OPCML: variants seen among roughly 807,000 people sequenced by gnomAD.
OPCML encodes opioid binding protein/cell adhesion molecule like.
Under a neutral mutation model 37.8 loss-of-function variants are expected in OPCML, and 13 were observed. The observed-to-expected ratio is 0.34, with a 90% CI of 0.22 to 0.55. The LOEUF (loss-of-function observed/expected upper bound fraction) is 0.55, where lower values mean the gene tolerates loss of function less well. Ranked by LOEUF, OPCML falls within the 20% of genes least tolerant of loss-of-function variation. OPCML has a pLI of 0.91. For synonymous variants in OPCML, 176 were observed against 168.8 expected, an observed-to-expected ratio of 1.04 and a Z score of -0.33; for missense variants, 341 against 435.6, an observed-to-expected ratio of 0.78 and a Z score of 1.93.
intron 3 of OPCML, among the ~76,000 whole-genome samples, chr11:132,542,772 C>G (rs2096359903): frequency 6.6e-6 from 1 of 152,194 alleles, no homozygotes; most frequent in Non-Finnish European, 1.5e-5. Flanking sequence ...GCCTCACCCT[C>G]AGGCCATCTA....
chr11:133,140,633 G>A (rs1003420904), intron 1 of OPCML, among the ~76,000 whole-genome samples: 4 of 146,498 alleles, frequency 2.7e-5, no homozygotes, highest in Non-Finnish European at 4.5e-5. Flanking sequence ...AGGAAGAGGA[G>A]GAAGAGGAGG....
At chr11:132,443,790 G>A (rs2096044821) in intron 4 of OPCML, among the ~76,000 whole-genome samples, 3 of 152,222 alleles carry the variant, frequency 2.0e-5, no homozygotes, top group Non-Finnish European at 4.4e-5. Context: ...TATGTGCAGG[G>A]AAAGGTACAG....
chr11:132,953,012 A>C (rs1945894974), intron 1 of OPCML, among the ~76,000 whole-genome samples: 1 of 152,188 alleles, frequency 6.6e-6, no homozygotes, highest in African/African-American at 2.4e-5. Flanking sequence ...ACACTGTAAA[A>C]AGTTATCTAT....
chr11:132,667,335 C>T (rs551196182), intron 2 of OPCML, among the ~76,000 whole-genome samples: 63 of 152,232 alleles, frequency 4.1e-4, no homozygotes, highest in African/African-American at 1.3e-3. Flanking sequence ...TCACTAAATC[C>T]GAGTGGGGAC....
In OPCML at chr11:133,431,780, T is replaced by A. The variant is rs1000316610; in HGVS notation, c.61+100484A>T. On this transcript the variant is annotated intron_variant, in intron 1 of 7. Transcript: ENST00000524381. ...GCGCCCCGCCGAATCTCAATTTATT[T>A]TATATATATATATAAAATATTTATA... is the stretch of plus-strand genomic sequence containing the variant. Among the ~76,000 whole-genome samples the A allele has an allele frequency of 9.5e-5, 14 of 147,862 alleles. No individual in the cohort carries two copies. The East Asian group carries it at 1.6e-3, about 16-fold the overall frequency.
At chr11:132,892,056 G>A (rs1435773576) in intron 2 of OPCML, among the ~76,000 whole-genome samples, 1 of 152,130 alleles carries the variant, frequency 6.6e-6, no homozygotes, top group Non-Finnish European at 1.5e-5. Context: ...ATACTAAGTC[G>A]ATGCAAAGCT....
intron 1 of OPCML, among the ~76,000 whole-genome samples, chr11:133,029,735 T>C (rs1388567645): frequency 6.6e-6 from 1 of 151,948 alleles, no homozygotes; most frequent in East Asian, 1.9e-4. Flanking sequence ...GAGGGGCAAG[T>C]GTTGAAATAC....
At chr11:133,496,936 T>C (rs933479069) in intron 1 of OPCML, among the ~76,000 whole-genome samples, 4 of 152,196 alleles carry the variant, frequency 2.6e-5, no homozygotes, top group Non-Finnish European at 4.4e-5. Context: ...TCCAGTACTA[T>C]ATTGAAGAGG....
chr11:132,777,314 C>A (rs1247178991), intron 2 of OPCML, among the ~76,000 whole-genome samples: 1 of 152,184 alleles, frequency 6.6e-6, no homozygotes, highest in Non-Finnish European at 1.5e-5. Flanking sequence ...TGTTAGGACA[C>A]CTAGTTAGAA....
At chr11:132,767,241 C>A (rs1407522541) in intron 2 of OPCML, among the ~76,000 whole-genome samples, 1 of 152,174 alleles carries the variant, frequency 6.6e-6, no homozygotes, top group East Asian at 1.9e-4. Context: ...AGCAGCCAAA[C>A]ATATTAGTTT....
intron 2 of OPCML, among the ~76,000 whole-genome samples, chr11:132,784,092 T>C (rs1421485047): frequency 6.6e-6 from 1 of 152,176 alleles, no homozygotes; most frequent in Non-Finnish European, 1.5e-5. Flanking sequence ...AATAAAACTT[T>C]GATCTGCAAC....
chr11:133,356,367 A>T (rs912040322), intron 1 of OPCML, among the ~76,000 whole-genome samples: 2 of 152,220 alleles, frequency 1.3e-5, no homozygotes, highest in African/African-American at 4.8e-5. Context: ...GTTTTGTTGC[A>T]ACAAGTTTCT....
intron 2 of OPCML, among the ~76,000 whole-genome samples, chr11:132,838,916 T>A (rs1469997485): frequency 6.6e-6 from 1 of 152,154 alleles, no homozygotes; most frequent in East Asian, 1.9e-4. Flanking sequence ...TGCTTGTTAA[T>A]TTGTGGCAGG....
intron 1 of OPCML, among the ~76,000 whole-genome samples, chr11:132,981,618 C>T (rs1009088519): frequency 3.3e-5 from 5 of 152,104 alleles, no homozygotes; most frequent in Non-Finnish European, 4.4e-5. Flanking sequence ...GACGATTACA[C>T]GTAAGAATGA....
chr11:133,435,880 T>C (rs1946223132), intron 1 of OPCML, among the ~76,000 whole-genome samples: 2 of 152,226 alleles, frequency 1.3e-5, no homozygotes, highest in African/African-American at 4.8e-5. Flanking sequence ...ACAGTTTTGC[T>C]CTGGCAAAGG....
At chr11:132,841,997 G>T (rs1941313577) in intron 2 of OPCML, among the ~76,000 whole-genome samples, 1 of 150,220 alleles carries the variant, frequency 6.7e-6, no homozygotes, top group South Asian at 2.2e-4. Context: ...ACTTAAAATT[G>T]TATCTTAAAT....
In OPCML at chr11:132,431,618, C is replaced by T. The variant is rs143605069; in HGVS notation, c.916+4468G>A. On this transcript the variant is annotated intron_variant, in intron 7 of 7. Transcript: ENST00000524381. ...CGATCACCTACCATGTTGTCACTCA[C>T]ACGTTTCTAGTCATTTCAGGTTTCC... Among the ~76,000 whole-genome samples, 1,351 of 152,340 alleles carry T rather than the reference C, an allele frequency of 8.9e-3. 60 individuals carry two copies. The highest frequency in any genetic ancestry group is 0.058 in the Admixed American group (889 of 15,304).
rs547620344 is a variant in OPCML at position 133,003,882 on chromosome 11, G to T, written c.62-60872C>A. 7 of 985,336 alleles carry T rather than the reference G, an allele frequency of 7.1e-6. No homozygotes were observed. The African/African-American group carries it at 1.2e-4, about 17-fold the overall frequency. 61.0% of individuals were successfully genotyped at this position (985,336 alleles called of 1,614,324 possible). A position where few individuals can be genotyped will look rare whatever the true frequency, so the allele number is the denominator to read the frequency against. ...CCACCGTGTGCCCTCGACCCCTTTTGACAGTTGTCAGGATCCCCGCCAATC... is the reference window on the plus strand; with the variant it reads ...CCACCGTGTGCCCTCGACCCCTTTTTACAGTTGTCAGGATCCCCGCCAATC... On this transcript the variant is annotated intron_variant, in intron 1 of 7. Transcript: ENST00000524381.
intron 1 of OPCML, among the ~76,000 whole-genome samples, chr11:133,512,901 A>G (rs1031517984): frequency 6.6e-6 from 1 of 152,220 alleles, no homozygotes; most frequent in Non-Finnish European, 1.5e-5. Flanking sequence ...AGAGACCAAT[A>G]TATATTTCTT....
Sources: gnomAD v4.1 joint callset for allele counts (sites outside exome capture counted in the v4.1 genomes callset) on GRCh38, gnomAD v4.1.1 for gene constraint, MANE v1.5 for transcripts, NCBI Gene and HGNC (gene_info 2026-07-23, HGNC 2026-07-21) for gene names.